SLC25A21: variants seen among roughly 807,000 people sequenced by gnomAD.
The protein encoded by SLC25A21 is mitochondrial 2-oxodicarboxylate carrier.
SLC25A21 carries 47 observed loss-of-function variants against 43.8 expected under a neutral mutation model. The ratio of observed to expected loss-of-function variants is 1.07; its 90% CI spans 0.85 to 1.37. The LOEUF (loss-of-function observed/expected upper bound fraction) is 1.37. SLC25A21 is among the 40% of genes most tolerant of loss of function. SLC25A21 has a pLI of 0.00. For missense variants in SLC25A21, 352 were observed against 350.2 expected (o/e 1.00, Z -0.04); for synonymous variants, 131 against 121.3 (o/e 1.08, Z -0.52).
chr14:36,720,583 CACCACA>C (rs1182870800), intron 6 of SLC25A21, among the ~76,000 whole-genome samples: 3 of 152,224 alleles, frequency 2.0e-5, no homozygotes, highest in Non-Finnish European at 4.4e-5. Flanking sequence ...TTTGGTGTTC[CACCACA>C]ACTAGGAGCT....
At chr14:36,980,082 G>T (rs7147216) in intron 1 of SLC25A21, among the ~76,000 whole-genome samples, 53,088 of 152,070 alleles carry the variant, frequency 0.35, 12,306 homozygotes, top group African/African-American at 0.67. Context: ...GCTTACTTAC[G>T]AAAGTACAGG....
At chr14:37,050,468 G>A (rs148158904) in intron 1 of SLC25A21, among the ~76,000 whole-genome samples, 1 of 152,344 alleles carries the variant, frequency 6.6e-6, no homozygotes, top group East Asian at 1.9e-4. Context: ...AGGCTGAGTG[G>A]GGGCTGAAAG....
At chr14:37,141,971 G>A (rs1158569174) in intron 1 of SLC25A21, among the ~76,000 whole-genome samples, 3 of 152,266 alleles carry the variant, frequency 2.0e-5, no homozygotes, top group Middle Eastern at 3.4e-3. Flanking sequence ...AGTCAGTGTG[G>A]GTTGCGACAG....
chr14:36,861,105 G>A (rs1890053766), intron 2 of SLC25A21, among the ~76,000 whole-genome samples: 1 of 152,130 alleles, frequency 6.6e-6, no homozygotes, highest in Non-Finnish European at 1.5e-5. Context: ...GCTGTGCCCT[G>A]ACTGCAAAGC....
At chr14:37,079,646 A>G (rs1962348121) in intron 1 of SLC25A21, among the ~76,000 whole-genome samples, 1 of 152,176 alleles carries the variant, frequency 6.6e-6, no homozygotes, top group Admixed American at 6.5e-5. Flanking sequence ...CATGCCCTGA[A>G]AGACTCTTAC....
chr14:36,922,329 T>C lies in SLC25A21; in HGVS notation c.71-47325A>G, dbSNP rs1005415099. On this transcript the variant is annotated intron_variant, in intron 1 of 9. Coordinates refer to ENST00000331299, the MANE Select transcript of SLC25A21 (RefSeq NM_030631.4). Reference sequence around the variant, plus strand: ...AGCTGTTTTCCCTAAGTTATCTCTATGATCGTTCCTGCATTCCAATTAGAA... The same window carrying C: ...AGCTGTTTTCCCTAAGTTATCTCTACGATCGTTCCTGCATTCCAATTAGAA... Among the ~76,000 whole-genome samples the C allele has an allele frequency of 3.9e-5, 6 of 152,178 alleles. No individual in the cohort carries two copies. In the South Asian group the frequency reaches 6.2e-4, roughly 16 times the overall value.
At position 37,170,958 on chromosome 14, in the gene SLC25A21, T is replaced by C. The variant is rs975839710; in HGVS notation, c.70+1323A>G. ...AAAAAAAAAATAGCCGGCATGGTGA[T>C]GCGCATCGGTAATTCCAGCTACTCA... On this transcript the variant is annotated intron_variant, in intron 1 of 9. Transcript: ENST00000331299. 5.6e-4 allele frequency among the ~76,000 whole-genome samples: 84 copies of C among 148,780 alleles called. 1 individual carries two copies. The highest frequency in any genetic ancestry group is 2.1e-3 in the African/African-American group (84 of 40,480).
intron 1 of SLC25A21, among the ~76,000 whole-genome samples, chr14:36,938,409 T>C (rs1406778002): frequency 6.6e-6 from 1 of 152,102 alleles, no homozygotes; most frequent in African/African-American, 2.4e-5. Context: ...GACCACCTTG[T>C]GCATTAATTA....
chr14:36,714,121 T>C (rs188738718), intron 6 of SLC25A21, among the ~76,000 whole-genome samples: 1 of 152,382 alleles, frequency 6.6e-6, no homozygotes, highest in Non-Finnish European at 1.5e-5. Flanking sequence ...GCATTCACTA[T>C]ACATTTAGGT....
intron 1 of SLC25A21, among the ~76,000 whole-genome samples, chr14:36,890,986 C>A (rs981070563): frequency 1.3e-5 from 2 of 152,088 alleles, no homozygotes; most frequent in Admixed American, 1.3e-4. Flanking sequence ...TTTCTAAGAA[C>A]CAAAATACAA....
chr14:36,792,904 G>T (rs1887539258), intron 3 of SLC25A21, among the ~76,000 whole-genome samples: 2 of 151,908 alleles, frequency 1.3e-5, no homozygotes, highest in South Asian at 4.2e-4. Context: ...AATGATCACA[G>T]ATCCTACCAC....
intron 7 of SLC25A21, among the ~76,000 whole-genome samples, chr14:36,703,054 T>G (rs1336241941): frequency 6.6e-6 from 1 of 152,182 alleles, no homozygotes; most frequent in Non-Finnish European, 1.5e-5. Flanking sequence ...CCCCAGTGGT[T>G]TCTAGAAAGG....
At chr14:37,119,113 C>T (rs963879221) in intron 1 of SLC25A21, among the ~76,000 whole-genome samples, 4 of 152,234 alleles carry the variant, frequency 2.6e-5, no homozygotes, top group Non-Finnish European at 4.4e-5. Flanking sequence ...CTCCCACTGG[C>T]GCCATGACAG....
intron 1 of SLC25A21, among the ~76,000 whole-genome samples, chr14:37,064,460 G>A (rs192515960): frequency 6.6e-6 from 1 of 151,314 alleles, no homozygotes; most frequent in East Asian, 1.9e-4. Flanking sequence ...GGTCTGTCTT[G>A]GGAGAACCCT....
chr14:37,089,798 G>C (rs1244474976), intron 1 of SLC25A21, among the ~76,000 whole-genome samples: 2 of 152,142 alleles, frequency 1.3e-5, no homozygotes, highest in East Asian at 3.9e-4. Flanking sequence ...ATTCATGTTT[G>C]ATATTTTTAT....
chr14:37,025,931 C>A (rs956396541), intron 1 of SLC25A21, among the ~76,000 whole-genome samples: 4 of 151,978 alleles, frequency 2.6e-5, no homozygotes. Context: ...ATTTCAGAAC[C>A]TATATAGCAA....
At chr14:36,686,208 G>C (rs1302336257) in intron 7 of SLC25A21, among the ~76,000 whole-genome samples, 1 of 152,184 alleles carries the variant, frequency 6.6e-6, no homozygotes, top group Non-Finnish European at 1.5e-5. Flanking sequence ...AAAAGCAAGG[G>C]TTTGGTAATA....
At chr14:36,744,193 A>C (rs1162719587) in intron 3 of SLC25A21, among the ~76,000 whole-genome samples, 3 of 152,136 alleles carry the variant, frequency 2.0e-5, no homozygotes, top group Non-Finnish European at 4.4e-5. Flanking sequence ...ACAATCTCCA[A>C]ATTCATATGG....
chr14:37,144,952 G>GTTGT (rs1555349808), intron 1 of SLC25A21, among the ~76,000 whole-genome samples: 70 of 149,542 alleles, frequency 4.7e-4, no homozygotes, highest in African/African-American at 1.2e-3. Flanking sequence ...TGTTGTTGTT[G>GTTGT]TTGTTTGTTT....
Sources: allele counts gnomAD v4.1 joint callset (sites outside exome capture counted in the v4.1 genomes callset), GRCh38; gene constraint gnomAD v4.1.1; transcripts MANE v1.5; gene names NCBI Gene and HGNC (gene_info 2026-07-23, HGNC 2026-07-21).